DACH2: variants seen among roughly 807,000 people sequenced by gnomAD.
The protein encoded by DACH2 is dachshund homolog 2.
In DACH2, 17 loss-of-function variants were observed where a neutral mutation model predicts 35.8. That is an observed-to-expected ratio of 0.48 (90% CI 0.33 to 0.71). The LOEUF (loss-of-function observed/expected upper bound fraction) is 0.71, where lower values mean the gene tolerates loss of function less well. DACH2 is among the 30% of genes least tolerant of loss of function. The probability of loss-of-function intolerance (pLI) is 0.02; values close to 1 mark genes in which losing one functional copy is unlikely to be tolerated. For missense variants in DACH2, 469 were observed against 472.7 expected, an observed-to-expected ratio of 0.99 and a Z score of 0.07; for synonymous variants, 195 against 177.3, an observed-to-expected ratio of 1.10 and a Z score of -0.79.
At chrX:86,771,785 G>C (rs757281685) in intron 7 of DACH2, among the ~76,000 whole-genome samples, 18 of 111,373 alleles carry the variant, frequency 1.6e-4, no homozygotes, top group Non-Finnish European at 3.2e-4. Flanking sequence ...TTTATCTCTC[G>C]GTTTCCTGAA....
chrX:86,272,289 T>C (rs1254274632), intron 1 of DACH2, among the ~76,000 whole-genome samples: 1 of 110,148 alleles, frequency 9.1e-6, no homozygotes, highest in East Asian at 2.8e-4. Flanking sequence ...ACCTTTGCTA[T>C]TGTGAATAGT....
chrX:86,187,417 G>GTTT (rs754834305), intron 1 of DACH2, among the ~76,000 whole-genome samples: 4 of 91,297 alleles, frequency 4.4e-5, no homozygotes, highest in Admixed American at 1.2e-4. Flanking sequence ...ATCTGACTTA[G>GTTT]TTTTTTTTTT....
At chrX:86,418,438 G>A (rs955258975) in intron 2 of DACH2, among the ~76,000 whole-genome samples, 2 of 112,100 alleles carry the variant, frequency 1.8e-5, no homozygotes, top group African/African-American at 6.5e-5. Context: ...AAATCTAGGC[G>A]GAGGTTTTCA....
At chrX:86,665,400 T>C (rs2148418245) in intron 4 of DACH2, among the ~76,000 whole-genome samples, 1 of 111,585 alleles carries the variant, frequency 9.0e-6, no homozygotes, top group South Asian at 3.8e-4. Context: ...GTGTGTCTCT[T>C]AAGGTTACAT....
At chrX:86,557,153 C>T (rs760208106) in intron 3 of DACH2, among the ~76,000 whole-genome samples, 2 of 110,701 alleles carry the variant, frequency 1.8e-5, no homozygotes, top group East Asian at 5.8e-4. Context: ...TATCTTGGCC[C>T]TCAGAGGATG....
At chrX:86,595,717 T>C (rs1382227028) in intron 3 of DACH2, among the ~76,000 whole-genome samples, 1 of 109,233 alleles carries the variant, frequency 9.2e-6, no homozygotes, top group African/African-American at 3.3e-5. Context: ...CATTTTCTGG[T>C]TGTAATTGAG....
intron 11 of DACH2, among the ~76,000 whole-genome samples, chrX:86,818,968 G>A (rs1028448039): frequency 2.8e-5 from 3 of 107,251 alleles, no homozygotes; most frequent in Non-Finnish European, 5.8e-5. Context: ...ACATGTACCA[G>A]AAATCTTATA....
At chrX:86,528,343 G>A (rs2038663736) in intron 3 of DACH2, among the ~76,000 whole-genome samples, 2 of 111,605 alleles carry the variant, frequency 1.8e-5, no homozygotes, top group Middle Eastern at 4.6e-3. Context: ...TCCTTTGGAA[G>A]GAAAAAGCAA....
At chrX:86,366,433 A>G (rs916219363) in intron 1 of DACH2, among the ~76,000 whole-genome samples, 1 of 111,268 alleles carries the variant, frequency 9.0e-6, no homozygotes, top group African/African-American at 3.3e-5. Flanking sequence ...AGATAAAACT[A>G]ACTGCCTGGA....
At chrX:86,482,308 A>G (rs1197933550) in intron 2 of DACH2, among the ~76,000 whole-genome samples, 1 of 112,316 alleles carries the variant, frequency 8.9e-6, no homozygotes, top group Non-Finnish European at 1.9e-5. Context: ...AAATTGTTGC[A>G]TCTTCTTATA....
At chrX:86,635,344 A>T (rs1488934480) in intron 3 of DACH2, among the ~76,000 whole-genome samples, 1 of 104,695 alleles carries the variant, frequency 9.6e-6, no homozygotes, top group South Asian at 4.1e-4. Context: ...AAAAAAAAAA[A>T]AAACCTCTCA....
At chrX:86,666,413 C>G (rs1484125028) in intron 4 of DACH2, among the ~76,000 whole-genome samples, 1 of 111,300 alleles carries the variant, frequency 9.0e-6, no homozygotes, top group Non-Finnish European at 1.9e-5. Flanking sequence ...AAAGATGTCT[C>G]TGCTCTCAAG....
chrX:86,505,630 T>C (rs2038311932), intron 2 of DACH2, among the ~76,000 whole-genome samples: 5 of 90,394 alleles, frequency 5.5e-5, no homozygotes, highest in Admixed American at 5.5e-4. Context: ...CCTTTTTAAG[T>C]TGTTTAGCAC....
At chrX:86,581,719 G>A (rs1158563946) in intron 3 of DACH2, among the ~76,000 whole-genome samples, 2 of 111,525 alleles carry the variant, frequency 1.8e-5, no homozygotes, top group African/African-American at 6.5e-5. Context: ...CAACACAAGA[G>A]CACTCAGATT....
chrX:86,676,903 A>G (rs937194702), intron 4 of DACH2, among the ~76,000 whole-genome samples: 32 of 111,795 alleles, frequency 2.9e-4, no homozygotes, highest in Non-Finnish European at 3.6e-4. Flanking sequence ...CTAGATTAGT[A>G]CAGTTACATA....
intron 1 of DACH2, among the ~76,000 whole-genome samples, chrX:86,323,784 T>C (rs2035060796): frequency 1.8e-5 from 2 of 111,447 alleles, no homozygotes; most frequent in African/African-American, 6.5e-5. Context: ...AGAGCCAACA[T>C]TCCTAGCACC....
chrX:86,268,699 A>C (rs1036680845), intron 1 of DACH2, among the ~76,000 whole-genome samples: 7 of 108,722 alleles, frequency 6.4e-5, no homozygotes, highest in Non-Finnish European at 1.9e-5. Flanking sequence ...ACGCCCAGCT[A>C]ATTTTTGTAT....
intron 3 of DACH2, among the ~76,000 whole-genome samples, chrX:86,642,542 G>T (rs776410781): frequency 2.7e-5 from 3 of 111,614 alleles, no homozygotes; most frequent in Non-Finnish European, 5.7e-5. Flanking sequence ...GCATTAGATA[G>T]ATCATTGAGG....
At chrX:86,746,237 C>T (rs779151159) in intron 7 of DACH2, among the ~76,000 whole-genome samples, 1 of 111,247 alleles carries the variant, frequency 9.0e-6, no homozygotes, top group Admixed American at 9.6e-5. Context: ...TTTGGGTTGA[C>T]TTGTGTTTTC....
Sources: allele counts gnomAD v4.1 joint callset (sites outside exome capture counted in the v4.1 genomes callset), GRCh38; gene constraint gnomAD v4.1.1; transcripts MANE v1.5; gene names NCBI Gene and HGNC (gene_info 2026-07-23, HGNC 2026-07-21).